Variants in CDH12 observed in about 807,000 individuals in gnomAD.
CDH12 encodes cadherin 12.
A neutral mutation model predicts 74.1 loss-of-function variants in CDH12; 41 were observed. The ratio of observed to expected loss-of-function variants is 0.55; its 90% CI spans 0.43 to 0.72. The LOEUF (loss-of-function observed/expected upper bound fraction) is 0.72. Among genes scored for constraint, CDH12 ranks in the 30% least tolerant of loss-of-function variants. The probability of loss-of-function intolerance (pLI) is 0.00; values close to 1 mark genes in which losing one functional copy is unlikely to be tolerated. For missense variants in CDH12, 945 were observed against 977.2 expected (o/e 0.97, Z 0.44); for synonymous variants, 399 against 355.0 (o/e 1.12, Z -1.39).
At chr5:22,302,414 C>T (rs2150420810) in intron 3 of CDH12, among the ~76,000 whole-genome samples, 1 of 152,282 alleles carries the variant, frequency 6.6e-6, no homozygotes, top group South Asian at 2.1e-4. Flanking sequence ...TATTTCATAA[C>T]ACTAGGAGAG....
intron 3 of CDH12, among the ~76,000 whole-genome samples, chr5:22,302,010 G>GAA (rs60400903): frequency 4.3e-5 from 2 of 46,334 alleles, no homozygotes; most frequent in Non-Finnish European, 1.2e-4. Flanking sequence ...TATATATATG[G>GAA]AGAGAGAGAG....
chr5:22,534,844 G>C (rs2126709491), intron 1 of CDH12, among the ~76,000 whole-genome samples: 1 of 151,330 alleles, frequency 6.6e-6, no homozygotes, highest in South Asian at 2.1e-4. Flanking sequence ...AGGGTAATTA[G>C]TAGTTAAATA....
intron 3 of CDH12, among the ~76,000 whole-genome samples, chr5:22,394,385 G>C (rs1470949197): frequency 6.6e-6 from 1 of 152,066 alleles, no homozygotes; most frequent in Non-Finnish European, 1.5e-5. Context: ...ACAGAAAATT[G>C]CAGGATTTTC....
At chr5:22,621,592 C>G (rs1331568419) in intron 1 of CDH12, among the ~76,000 whole-genome samples, 1 of 151,898 alleles carries the variant, frequency 6.6e-6, no homozygotes. Flanking sequence ...GTAAATATTT[C>G]TCTATATATA....
chr5:22,692,050 A>G (rs942994231), intron 1 of CDH12, among the ~76,000 whole-genome samples: 1 of 152,114 alleles, frequency 6.6e-6, no homozygotes, highest in Non-Finnish European at 1.5e-5. Context: ...GTGGTACTTG[A>G]TGTGAGGTGT....
intron 2 of CDH12, among the ~76,000 whole-genome samples, chr5:22,450,148 A>G (rs1052524833): frequency 6.6e-6 from 1 of 151,982 alleles, no homozygotes; most frequent in African/African-American, 2.4e-5. Context: ...ATTAATCTAT[A>G]TTATAGCTCA....
At chr5:22,153,903 T>TATACAC (rs1478012877) in intron 4 of CDH12, among the ~76,000 whole-genome samples, 15 of 111,146 alleles carry the variant, frequency 1.3e-4, no homozygotes, top group Admixed American at 1.8e-4. Flanking sequence ...TATATATATA[T>TATACAC]ACACACACAT....
intron 10 of CDH12, among the ~76,000 whole-genome samples, chr5:21,784,213 A>C (rs1008002366): frequency 5.3e-5 from 8 of 152,180 alleles, no homozygotes; most frequent in African/African-American, 1.7e-4. Context: ...AATGAATAGC[A>C]AAATAGAAAA....
rs190396421 is a variant in CDH12, at chr5:22,409,276, A to T, written c.-427-3925T>A. The stretch of plus-strand genomic sequence containing the variant: ...AGAGAAACTGCTTACATATGGTTTC[A>T]CTTGTATTTTTAAGTCTTCTTATCT... On this transcript the variant is annotated intron_variant, in intron 2 of 14. Transcript: ENST00000382254. Among the ~76,000 whole-genome samples the T allele has an allele frequency of 2.9e-3, 440 of 152,050 alleles. 4 individuals carry two copies. Among genetic ancestry groups the T allele is most frequent in the African/African-American group, 0.01 (417 of 41,528 alleles).
chr5:22,038,175 G>A (rs1006127899), intron 5 of CDH12, among the ~76,000 whole-genome samples: 2 of 152,108 alleles, frequency 1.3e-5, no homozygotes, highest in African/African-American at 4.8e-5. Context: ...AGTGTATCCT[G>A]CTCTGGAGGC....
At chr5:21,985,229 G>A (rs1757465298) in intron 5 of CDH12, among the ~76,000 whole-genome samples, 1 of 152,120 alleles carries the variant, frequency 6.6e-6, no homozygotes. Flanking sequence ...CTGCTGGAAT[G>A]AGAAACTTCC....
chr5:22,529,184 T>TAC, intron 1 of CDH12, among the ~76,000 whole-genome samples: 1 of 83,646 alleles, frequency 1.2e-5, no homozygotes, highest in African/African-American at 4.9e-5. Flanking sequence ...TATATATATA[T>TAC]ATATAGAGAG....
At chr5:21,830,220 A>AAAAAAAAAAAAAAAAAAAAAAAAAAAAC (rs1748932594) in intron 8 of CDH12, among the ~76,000 whole-genome samples, 1 of 149,636 alleles carries the variant, frequency 6.7e-6, no homozygotes. Flanking sequence ...AAAAAAAAAA[A>AAAAAAAAAAAAAAAAAAAAAAAAAAAAC]AAAAAAAAAA....
At chr5:22,098,376 C>T (rs1221011674) in intron 4 of CDH12, among the ~76,000 whole-genome samples, 2 of 152,162 alleles carry the variant, frequency 1.3e-5, no homozygotes, top group Non-Finnish European at 2.9e-5. Context: ...CCTTCCTAGG[C>T]ATGGTTAGTG....
rs184915084 is a variant in CDH12, at chr5:22,164,619, C to T, written c.-187+47879G>A. ...ACAGAGCTCCTGTACGAGGAGGGGA[C>T]CCCAAGGGGGTTGCCTTTGCTGGCT... On this transcript the variant is annotated intron_variant, in intron 4 of 14. Coordinates refer to ENST00000382254, the MANE Select transcript of CDH12 (RefSeq NM_004061.5). Among the ~76,000 whole-genome samples the T allele has an allele frequency of 1.8e-3, 274 of 152,324 alleles. 3 individuals are homozygous for T. The highest frequency in any genetic ancestry group is 6.4e-3 in the African/African-American group (265 of 41,580).
intron 2 of CDH12, among the ~76,000 whole-genome samples, chr5:22,473,944 G>A (rs902893521): frequency 1.3e-5 from 2 of 151,994 alleles, no homozygotes; most frequent in Non-Finnish European, 2.9e-5. Flanking sequence ...AATGCCCTGA[G>A]ACATAGATAA....
intron 3 of CDH12, among the ~76,000 whole-genome samples, chr5:22,213,011 T>C (rs916481208): frequency 6.6e-6 from 1 of 152,122 alleles, no homozygotes; most frequent in African/African-American, 2.4e-5. Context: ...TCTCCTGCTG[T>C]TTTTCAAGGT....
intron 5 of CDH12, among the ~76,000 whole-genome samples, chr5:21,976,747 C>A (rs1757087584): frequency 6.6e-6 from 1 of 151,946 alleles, no homozygotes; most frequent in Admixed American, 6.6e-5. Flanking sequence ...ACCATTTGGG[C>A]TATGCCTTAA....
intron 3 of CDH12, among the ~76,000 whole-genome samples, chr5:22,215,705 A>G (rs1422792111): frequency 6.6e-6 from 1 of 152,164 alleles, no homozygotes; most frequent in Non-Finnish European, 1.5e-5. Context: ...TCCAAGTGGC[A>G]TAATGTAATA....
Sources: allele counts gnomAD v4.1 joint callset (sites outside exome capture counted in the v4.1 genomes callset), GRCh38; gene constraint gnomAD v4.1.1; transcripts MANE v1.5; gene names NCBI Gene and HGNC (gene_info 2026-07-23, HGNC 2026-07-21).